The following NOP2 variants were observed in gnomAD, a reference collection of about 807,000 sequenced individuals.
NOP2 encodes NOP2 nucleolar protein, also known as 28S rRNA (cytosine(4447)-C(5))-methyltransferase.
A neutral mutation model predicts 72.7 loss-of-function variants in NOP2; 7 were observed. That is an observed-to-expected ratio of 0.10 (90% CI 0.05 to 0.18). The LOEUF (loss-of-function observed/expected upper bound fraction) is 0.18. Among genes scored for constraint, NOP2 ranks in the 10% least tolerant of loss-of-function variants. NOP2 has a pLI of 1.00. For synonymous variants in NOP2, 387 were observed against 388.0 expected, an observed-to-expected ratio of 1.00 and a Z score of 0.03; for missense variants, 954 against 1,014.7, an observed-to-expected ratio of 0.94 and a Z score of 0.81.
At chr12:6,561,413 G>A (rs552294831) in intron 11 of NOP2, among the ~76,000 whole-genome samples, 1 of 152,244 alleles carries the variant, frequency 6.6e-6, no homozygotes, top group Non-Finnish European at 1.5e-5. Context: ...CACAATCCAA[G>A]CGTAATACAA....
Position 6,566,548 on chromosome 12 carries a change from C to T in NOP2, c.219G>A (p.Leu73=). The change falls in exon 4 of 16, where the codon TTG becomes TTA. Residue 73 remains leucine, a synonymous_variant. Transcript: ENST00000322166. ...ACGGACCTTTTGGTAGCTTTCCAGG[C>T]AATGGTTTGGCCTCAGGAGACTTAT... ...KTNKSPEAKP[L]PGKLPKGISA... 1.2e-6 allele frequency: 2 copies of T among 1,613,956 alleles called. No individual in the cohort carries two copies. The highest frequency in any genetic ancestry group is 1.1e-5 in the South Asian group (1 of 91,082).
Position 6,560,345 on chromosome 12 carries a change from C to CA in NOP2, c.1561-20dup. The CA allele has an allele frequency of 6.2e-7, 1 of 1,610,400 alleles. No individual in the cohort carries two copies. Among genetic ancestry groups the CA allele is most frequent in the Non-Finnish European group, 8.5e-7 (1 of 1,177,036 alleles). ...CTTCTACCTGGATGTGGGGGGAAGA[C>CA]AAAGAACGGAGGAAAAAGCAGAGCT... On this transcript the variant is annotated intron_variant, in intron 14 of 15. Transcript: ENST00000322166. The surrounding 1 kb of genome is among the most constrained non-coding windows in gnomAD (Gnocchi z 5.0).
rs1320144383 is a variant in NOP2, at chr12:6,557,561, T to C, written c.1871A>G (p.Lys624Arg). 3.1e-6 allele frequency: 5 copies of C among 1,613,988 alleles called. No homozygotes were observed. The highest frequency in any genetic ancestry group is 2.2e-5 in the East Asian group (1 of 44,884). The change falls in exon 16 of 16, where the codon AAG (lysine) becomes AGG (arginine). Residue 624 changes from lysine (K) to arginine (R), a missense_variant. Physicochemically the swap from Lys to Arg is conservative, Grantham distance 26. Transcript: ENST00000322166. ...TGTCTTTGCAGCCCCCTTGGCTTTC[T>C]TGGCTGGCTGGCTGCTGTTCTCAGA... ...PKSENSSQPAKKAKGAAKTKQ... is the reference protein window; with the variant it reads ...PKSENSSQPARKAKGAAKTKQ...
At position 6,563,981 on chromosome 12, in the gene NOP2, C is replaced by A. The variant is rs1947714800; in HGVS notation, c.475-35G>T. ...GACAAGGGCTATTAATACAGGCCTGCCCTTCCATCAGCCCTTGTAGCAGTT... is the reference window on the plus strand; with the variant it reads ...GACAAGGGCTATTAATACAGGCCTGACCTTCCATCAGCCCTTGTAGCAGTT... On this transcript the variant is annotated intron_variant, in intron 5 of 15. Coordinates refer to ENST00000322166, the MANE Select transcript of NOP2 (RefSeq NM_001258308.2). The A allele has an allele frequency of 1.9e-6, 3 of 1,605,918 alleles. No homozygotes were observed. In the African/African-American group the frequency reaches 4.0e-5, roughly 21 times the overall value.
At chr12:6,566,731 G>A in intron 3 of NOP2, 46 bp downstream of exon 3, 1 of 1,597,728 alleles carries the variant, frequency 6.3e-7, no homozygotes, top group Non-Finnish European at 8.6e-7. Context: ...GGTCAAAGAT[G>A]AGCAGTACCA....
At position 6,567,881 on chromosome 12, in the gene NOP2, C is replaced by G. The variant is rs1172411320; in HGVS notation, c.38G>C (p.Gly13Ala). The change falls in exon 2 of 16, where the codon GGG becomes GCG. Residue 13 changes from glycine (G) to alanine (A), a missense_variant. By Grantham distance (60) the Gly-to-Ala change is moderately conservative. Around this residue, in one of 3 missense-constraint regions of NOP2, gnomAD observed 498 missense variants for 478.3 expected, o/e 1.04. Transcript: ENST00000322166. ...RKLDPTKEKR[G>A]PGRKARKQKG... The stretch of plus-strand genomic sequence containing the variant: ...CTGCTTCCGGGCCTTTCGGCCTGGC[C>G]CCCGCTTCTCCTTCGTAGGGTCCAA... The G allele has an allele frequency of 1.5e-5, 25 of 1,613,926 alleles. No homozygotes were observed. Among genetic ancestry groups the G allele is most frequent in the Non-Finnish European group, 1.9e-5 (23 of 1,179,910 alleles).
Position 6,557,431 on chromosome 12 carries a change from G to A in NOP2, c.2001C>T (p.Val667=). The A allele has an allele frequency of 6.2e-7, 1 of 1,614,040 alleles. No individual in the cohort carries two copies. The change falls in exon 16 of 16, where the codon GTC becomes GTT. Residue 667 remains valine, a synonymous_variant. Coordinates refer to ENST00000322166, the MANE Select transcript of NOP2 (RefSeq NM_001258308.2). ...AGCTGGAGGAAGCTTGGGTCTTTGT[G>A]ACAGAAGGTACAGTGGACAATTCTG... ...ADSELSTVPS[V]TKTQASSSFQ... is the part of the protein sequence containing the mutation.
rs2136171964 is a variant in NOP2, at chr12:6,561,878, A to G, written c.1066+6T>C. The G allele has an allele frequency of 1.2e-6, 2 of 1,610,320 alleles. No homozygotes were observed. The highest frequency in any genetic ancestry group is 2.2e-5 in the South Asian group (2 of 90,154). The stretch of plus-strand genomic sequence containing the variant: ...GTAGAAGGGCTCTTGGGTGGGGGAG[A>G]CTTACCAATGGGCACAGAAGAATCA... On this transcript the variant is annotated splice_donor_region_variant and intron_variant, in intron 10 of 15. Coordinates refer to ENST00000322166, the MANE Select transcript of NOP2 (RefSeq NM_001258308.2).
chr12:6,561,937 A>C lies in NOP2; in HGVS notation c.1013T>G (p.Leu338Arg). Residue 338 changes from leucine (L) to arginine (R), a missense_variant, in exon 10 of 16, where the codon CTG becomes CGG. By Grantham distance (102) the Leu-to-Arg change is moderately radical. Coordinates refer to ENST00000322166, the MANE Select transcript of NOP2 (RefSeq NM_001258308.2). ...LINRGVNLDP[L>R]GKWSKTGLVV... is the part of the protein sequence containing the mutation. ...TAGTCCAGTCTTTGACCACTTGCCC[A>C]GGGGATCCAGGTTAACCCCACGATT... is the stretch of plus-strand genomic sequence containing the variant. 1 of 1,612,134 alleles carries C rather than the reference A, an allele frequency of 6.2e-7. No individual in the cohort carries two copies. The highest frequency in any genetic ancestry group is 8.5e-7 in the Non-Finnish European group (1 of 1,179,186).
Position 6,560,041 on chromosome 12 carries a change from C to T in NOP2, c.1789+57G>A. 1 of 1,292,430 alleles carries T rather than the reference C, an allele frequency of 7.7e-7. No homozygotes were observed. Among genetic ancestry groups the T allele is most frequent in the South Asian group, 1.2e-5 (1 of 82,876 alleles). The allele number at this position is 1,292,430 out of a possible 1,614,324, so 80.1% of individuals were successfully genotyped here. A position where few individuals can be genotyped will look rare whatever the true frequency, so the allele number is the denominator to read the frequency against. ...CCTTCCTCTTGTCACACCATAAAGC[C>T]TCCTGAAAGGTGGAAAGAGCAAAGG... On this transcript the variant is annotated intron_variant, in intron 15 of 15. Coordinates refer to ENST00000322166, the MANE Select transcript of NOP2 (RefSeq NM_001258308.2). The surrounding 1 kb of genome is among the most constrained non-coding windows in gnomAD (Gnocchi z 5.0).
In NOP2 at chr12:6,557,563, G is replaced by A. The variant is rs1947523965; in HGVS notation, c.1869C>T (p.Ala623=). The A allele has an allele frequency of 1.2e-6, 2 of 1,613,860 alleles. No homozygotes were observed. The highest frequency in any genetic ancestry group is 1.3e-5 in the African/African-American group (1 of 74,976). Residue 623 remains alanine, a synonymous_variant, in exon 16 of 16, where the codon GCC becomes GCT. Coordinates refer to ENST00000322166, the MANE Select transcript of NOP2 (RefSeq NM_001258308.2). The part of the protein sequence containing the change: ...IPKSENSSQP[A]KKAKGAAKTK... The stretch of plus-strand genomic sequence containing the variant: ...TCTTTGCAGCCCCCTTGGCTTTCTT[G>A]GCTGGCTGGCTGCTGTTCTCAGACT...
At chr12:6,561,599 G>A in intron 11 of NOP2, 65 bp downstream of exon 11, 1 of 1,589,988 alleles carries the variant, frequency 6.3e-7, no homozygotes, top group Non-Finnish European at 8.6e-7. Context: ...AGCAACCCCA[G>A]CAACCCCATC....
Position 6,563,398 on chromosome 12 carries a change from G to T in NOP2, c.805C>A (p.Arg269=). The part of the protein sequence containing the change: ...EGRSRSEYLN[R]LKKDLAIYYS... The stretch of plus-strand genomic sequence containing the variant: ...TAAATGGCCAGATCCTTCTTGAGCC[G>T]GTTCAGGTATTCAGAACGAGACCGC... The change falls in exon 8 of 16, where the codon CGG becomes AGG. Residue 269 remains arginine (R), a synonymous_variant. Transcript: ENST00000322166. 1.2e-6 allele frequency: 2 copies of T among 1,606,292 alleles called. No individual in the cohort carries two copies. The highest frequency in any genetic ancestry group is 1.7e-6 in the Non-Finnish European group (2 of 1,176,412).
In NOP2 at chr12:6,557,083, G is replaced by C. The variant is rs1405337581; in HGVS notation, c.2349C>G (p.Pro783=). 1 of 1,613,850 alleles carries C rather than the reference G, an allele frequency of 6.2e-7. No individual in the cohort carries two copies. The highest frequency in any genetic ancestry group is 1.3e-5 in the African/African-American group (1 of 74,914). ...QNDTPKGPQP[P]TVSPIRSSRP... is the part of the protein sequence containing the mutation. ...GGCTGGAACGGATGGGAGACACAGT[G>C]GGAGGCTGAGGCCCCTTGGGGGTAT... The change falls in exon 16 of 16, where the codon CCC becomes CCG. Residue 783 remains proline, a synonymous_variant. Transcript: ENST00000322166.
chr12:6,561,219 C>T (rs1211014859), intron 11 of NOP2, 149 bp from the exon 12 acceptor site: 3 of 889,596 alleles, frequency 3.4e-6, no homozygotes, highest in African/African-American at 1.7e-5. Flanking sequence ...TAGGCTGATC[C>T]ACTCTGCACT....
chr12:6,568,216 G>A lies in NOP2; in HGVS notation c.-14C>T, dbSNP rs114111330. On this transcript the variant is annotated 5_prime_UTR_variant, in exon 1 of 16. Coordinates refer to ENST00000322166, the MANE Select transcript of NOP2 (RefSeq NM_001258308.2). ...TTTCCTCTAGACCCACCAGAATGCG[G>A]GTTAATGTCCGAGAGTGCCCTTCGG... The A allele has an allele frequency of 8.4e-3, 2,938 of 351,294 alleles. 65 individuals are homozygous for A. The highest frequency in any genetic ancestry group is 0.04 in the African/African-American group (1,867 of 46,738). The allele number at this position is 351,294 out of a possible 1,614,324, so 21.8% of individuals were successfully genotyped here.
chr12:6,560,937 G>A lies in NOP2; in HGVS notation c.1341C>T (p.Phe447=), dbSNP rs1341556925. The A allele has an allele frequency of 3.1e-6, 5 of 1,613,868 alleles. No homozygotes were observed. The highest frequency in any genetic ancestry group is 4.2e-6 in the Non-Finnish European group (5 of 1,179,830). ...CACACAGCTCGAGTCTCACCTTGGG[G>A]AACTGGCGCCCATCATAGTGGCTGA... ...TIISHYDGRQ[F]PKVVGGFDRV... Residue 447 remains phenylalanine (F), a synonymous_variant, in exon 12 of 16, where the codon TTC becomes TTT. Coordinates refer to ENST00000322166, the MANE Select transcript of NOP2 (RefSeq NM_001258308.2). The surrounding 1 kb of genome is among the most constrained non-coding windows in gnomAD (Gnocchi z 5.0).
chr12:6,563,100 C>T lies in NOP2; in HGVS notation c.959G>A (p.Arg320Gln), dbSNP rs778354597. The change falls in exon 9 of 16, where the codon CGA (arginine) becomes CAA (glutamine). Residue 320 changes from arginine (R) to glutamine (Q), a missense_variant. Coordinates refer to ENST00000322166, the MANE Select transcript of NOP2 (RefSeq NM_001258308.2). ...VTLRTNTLKT[R>Q]RRDLAQALIN... The stretch of plus-strand genomic sequence containing the variant: ...CCTCACCTGTGCAAGGTCTCGGCGT[C>T]GGGTTTTCAAGGTATTGGTCCGGAG... The T allele has an allele frequency of 1.2e-5, 19 of 1,592,162 alleles. No homozygotes were observed. Among genetic ancestry groups the T allele is most frequent in the Admixed American group, 5.3e-5 (3 of 56,588 alleles).
Position 6,560,257 on chromosome 12 carries a change from G to C in NOP2, c.1630C>G (p.Leu544Val). The C allele has an allele frequency of 6.2e-7, 1 of 1,614,008 alleles. No homozygotes were observed. The highest frequency in any genetic ancestry group is 1.1e-5 in the South Asian group (1 of 91,086). The change falls in exon 15 of 16, where the codon CTA (leucine) becomes GTA (valine). Residue 544 changes from leucine (L) to valine (V), a missense_variant. Physicochemically the swap from Leu to Val is conservative, Grantham distance 32. Transcript: ENST00000322166. This position sits in a 1 kb window ranked among gnomAD's most constrained non-coding sequence, Gnocchi z 5.0. ...GTAAAACCTTCCTGGCCAAAGTCTA[G>C]GCCCGTGGGCACCAGTCGCACATTC... The part of the protein sequence containing the change: ...KRNVRLVPTG[L>V]DFGQEGFTRF...
Sources: gnomAD v4.1 joint callset for allele counts (sites outside exome capture counted in the v4.1 genomes callset) on GRCh38, gnomAD v4.1.1 for gene constraint, gnomAD v4.1.1 regional missense constraint, Gnocchi (gnomAD v3.1) non-coding constraint, MANE v1.5 for transcripts, NCBI Gene and HGNC (gene_info 2026-07-23, HGNC 2026-07-21) for gene names.